Variants in SNX29 observed in about 807,000 individuals in gnomAD.
The protein encoded by SNX29 is sorting nexin-29.
In SNX29, 78 loss-of-function variants were observed where a neutral mutation model predicts 102.1. The ratio of observed to expected loss-of-function variants is 0.76; its 90% CI spans 0.64 to 0.92. The LOEUF is 0.92. Ranked by LOEUF, SNX29 falls within the 40% of genes least tolerant of loss-of-function variation. The probability of loss-of-function intolerance (pLI) is 0.00; values close to 1 mark genes in which losing one functional copy is unlikely to be tolerated. For missense variants in SNX29, 1,280 were observed against 1,061.7 expected (o/e 1.21, Z -2.86); for synonymous variants, 580 against 414.5 (o/e 1.40, Z -4.85).
At chr16:12,001,511 A>T (rs951075077) in intron 2 of SNX29, among the ~76,000 whole-genome samples, 2 of 152,116 alleles carry the variant, frequency 1.3e-5, no homozygotes, top group Non-Finnish European at 2.9e-5. Context: ...AACTTTATTG[A>T]TGTATAATTT....
intron 10 of SNX29, among the ~76,000 whole-genome samples, chr16:12,076,689 GC>G (rs1365173947): frequency 2.0e-5 from 3 of 152,180 alleles, no homozygotes; most frequent in Non-Finnish European, 4.4e-5. Flanking sequence ...AAAGTCTTAT[GC>G]CACTGCCATC....
intron 14 of SNX29, among the ~76,000 whole-genome samples, chr16:12,213,484 A>C (rs1305478622): frequency 8.2e-6 from 1 of 121,526 alleles, no homozygotes; most frequent in East Asian, 2.1e-4. Flanking sequence ...AAATAAAGGA[A>C]AAAAATAAAA....
chr16:12,463,511 A>T (rs1186906097), intron 18 of SNX29, among the ~76,000 whole-genome samples: 1 of 152,226 alleles, frequency 6.6e-6, no homozygotes, highest in South Asian at 2.1e-4. Context: ...ATCAGATCTC[A>T]TGAGACTTAT....
intron 15 of SNX29, among the ~76,000 whole-genome samples, chr16:12,295,953 GTTC>G (rs2079967209): frequency 6.6e-6 from 1 of 152,214 alleles, no homozygotes; most frequent in African/African-American, 2.4e-5. Flanking sequence ...CTTTTAAACA[GTTC>G]TTCTCCTCAA....
chr16:12,005,427 T>G (rs1012934504), intron 3 of SNX29, among the ~76,000 whole-genome samples: 2 of 152,142 alleles, frequency 1.3e-5, no homozygotes, highest in East Asian at 1.9e-4. Flanking sequence ...GAATTTGCAT[T>G]TCAACAGGAC....
intron 13 of SNX29, among the ~76,000 whole-genome samples, chr16:12,164,237 C>T (rs1325356626): frequency 6.6e-6 from 1 of 151,912 alleles, no homozygotes. Flanking sequence ...TCAAGAGGGG[C>T]GCAGAGCAGA....
intron 20 of SNX29, among the ~76,000 whole-genome samples, chr16:12,567,750 G>A (rs184700387): frequency 2.3e-3 from 352 of 152,234 alleles, no homozygotes; most frequent in African/African-American, 7.6e-3. Context: ...GGCAAGAGTC[G>A]AGACTGTCTC....
intron 13 of SNX29, among the ~76,000 whole-genome samples, chr16:12,180,608 C>G (rs1053984798): frequency 6.6e-6 from 1 of 152,004 alleles, no homozygotes; most frequent in South Asian, 2.1e-4. Context: ...CTCAGCCTCC[C>G]GAGTAGCTGG....
In SNX29 at chr16:12,027,397, C is replaced by T. The variant is rs1344390427; in HGVS notation, c.200C>T (p.Ala67Val). 6.2e-6 allele frequency: 10 copies of T among 1,613,980 alleles called. No homozygotes were observed. Among genetic ancestry groups the T allele is most frequent in the East Asian group, 2.2e-5 (1 of 44,904 alleles). Reference protein sequence around the residue: ...LKRSRGLALTAAAIKQAAGFA... With the variant: ...LKRSRGLALTVAAIKQAAGFA... The stretch of plus-strand genomic sequence containing the variant: ...AGGAGTCGAGGATTGGCACTCACAG[C>T]GGCAGCGATCAAGCAGGCAGCGGGC... The change falls in exon 4 of 21, where the codon GCG becomes GTG. Residue 67 changes from alanine to valine, a missense_variant. Physicochemically the swap from Ala to Val is moderately conservative, Grantham distance 64. Transcript: ENST00000566228.
chr16:12,089,639 A>G (rs765616020), intron 11 of SNX29: 27 of 187,396 alleles, frequency 1.4e-4, no homozygotes, highest in Non-Finnish European at 3.0e-4. Flanking sequence ...TACCGCTGGC[A>G]TTGCGCTGCC....
At chr16:12,385,994 A>G (rs1440814229) in intron 16 of SNX29, among the ~76,000 whole-genome samples, 2 of 152,178 alleles carry the variant, frequency 1.3e-5, no homozygotes, top group South Asian at 2.1e-4. Context: ...ACCCAGCTCA[A>G]TATGCATGGC....
At chr16:12,447,115 C>T (rs901979463) in intron 18 of SNX29, among the ~76,000 whole-genome samples, 6 of 127,394 alleles carry the variant, frequency 4.7e-5, no homozygotes, top group Non-Finnish European at 9.4e-5. Flanking sequence ...TGCAGTGAGC[C>T]GAGATGGTGC....
intron 15 of SNX29, among the ~76,000 whole-genome samples, chr16:12,344,262 G>C (rs1048080637): frequency 6.6e-6 from 1 of 152,156 alleles, no homozygotes; most frequent in African/African-American, 2.4e-5. Flanking sequence ...CCTCACAAAG[G>C]GAGAGGGTTT....
At chr16:12,546,909 C>T (rs2077640941) in intron 20 of SNX29, among the ~76,000 whole-genome samples, 1 of 152,158 alleles carries the variant, frequency 6.6e-6, no homozygotes, top group Non-Finnish European at 1.5e-5. Context: ...AGCTGGAAGC[C>T]CTAGGAGGAT....
chr16:12,264,393 G>A lies in SNX29; in HGVS notation c.1679-13540G>A, dbSNP rs558466758. Among the ~76,000 whole-genome samples, 8 of 152,328 alleles carry A rather than the reference G, an allele frequency of 5.3e-5. No individual in the cohort carries two copies. The East Asian group carries it at 1.2e-3, about 22-fold the overall frequency. On this transcript the variant is annotated intron_variant, in intron 14 of 20. Coordinates refer to ENST00000566228, the MANE Select transcript of SNX29 (RefSeq NM_032167.5). ...GGAAGGCTTTGTTCCATAAACCCAG[G>A]CCTTACAAACAACAGTTTCCGCCTC... is the stretch of plus-strand genomic sequence containing the variant.
intron 14 of SNX29, among the ~76,000 whole-genome samples, chr16:12,223,491 G>C (rs1407355406): frequency 1.3e-5 from 2 of 152,294 alleles, no homozygotes; most frequent in Non-Finnish European, 2.9e-5. Context: ...GTGAAACCCT[G>C]TCTCTACCAA....
At position 12,145,201 on chromosome 16, in the gene SNX29, T is replaced by TAA. The variant is rs74268785; in HGVS notation, c.1595+15457_1595+15458dup. Among the ~76,000 whole-genome samples, 21 of 143,380 alleles carry TAA rather than the reference T, an allele frequency of 1.5e-4. No individual in the cohort carries two copies. In the East Asian group the frequency reaches 1.8e-3, roughly 12 times the overall value. The allele number at this position is 143,380 out of a possible 152,430, so 94.1% of individuals were successfully genotyped here. A position where few individuals can be genotyped will look rare whatever the true frequency, so the allele number is the denominator to read the frequency against. ...TTGAGGGAACTCTTGTTTTCATACT[T>TAA]AAAAAAAAAAAAAAATTACCTTTAA... is the stretch of plus-strand genomic sequence containing the variant. On this transcript the variant is annotated intron_variant, in intron 13 of 20. Coordinates refer to ENST00000566228, the MANE Select transcript of SNX29 (RefSeq NM_032167.5).
intron 16 of SNX29, among the ~76,000 whole-genome samples, chr16:12,386,849 G>A (rs1220688493): frequency 1.3e-5 from 2 of 150,520 alleles, no homozygotes; most frequent in East Asian, 4.0e-4. Context: ...CCTAGGTCGG[G>A]CGTGGTGACT....
At chr16:12,269,606 G>A (rs750501064) in intron 14 of SNX29, among the ~76,000 whole-genome samples, 4 of 152,074 alleles carry the variant, frequency 2.6e-5, no homozygotes, top group East Asian at 1.9e-4. Flanking sequence ...CTTTTCATGC[G>A]GTCCTTGACC....
Sources: gnomAD v4.1 joint callset for allele counts (sites outside exome capture counted in the v4.1 genomes callset) on GRCh38, gnomAD v4.1.1 for gene constraint, MANE v1.5 for transcripts, NCBI Gene and HGNC (gene_info 2026-07-23, HGNC 2026-07-21) for gene names.